GABRA3: variants seen among roughly 807,000 people sequenced by gnomAD.
GABRA3 encodes gamma-aminobutyric acid receptor subunit alpha-3.
Under a neutral mutation model 30.1 loss-of-function variants are expected in GABRA3, and 10 were observed. The ratio of observed to expected loss-of-function variants is 0.33; its 90% confidence interval spans 0.20 to 0.56. The LOEUF (loss-of-function observed/expected upper bound fraction) is 0.56. Among genes scored for constraint, GABRA3 ranks in the 20% least tolerant of loss-of-function variants. GABRA3 has a pLI of 0.89. For synonymous variants in GABRA3, 151 were observed against 146.8 expected (o/e 1.03, Z -0.21); for missense variants, 233 against 392.0 (o/e 0.59, Z 3.42).
At chrX:152,284,549 T>C in intron 4 of GABRA3, 119 bp downstream of exon 4, 1 of 455,128 alleles carries the variant, frequency 2.2e-6, no homozygotes, top group Middle Eastern at 4.5e-4. Flanking sequence ...GGTAGGAAAT[T>C]CATATGAGAA....
intron 5 of GABRA3, among the ~76,000 whole-genome samples, chrX:152,233,181 T>G (rs1344863049): frequency 4.5e-5 from 5 of 110,155 alleles, no homozygotes; most frequent in African/African-American, 1.7e-4. Flanking sequence ...TACATTTGTT[T>G]GAGTTCATTG....
At chrX:152,272,964 T>G (rs568781454) in intron 4 of GABRA3, among the ~76,000 whole-genome samples, 1 of 111,711 alleles carries the variant, frequency 9.0e-6, no homozygotes, top group East Asian at 2.8e-4. Flanking sequence ...CAATTAAAAC[T>G]TTTTGCTTTA....
intron 1 of GABRA3, among the ~76,000 whole-genome samples, chrX:152,418,370 A>G (rs1006697040): frequency 9.8e-5 from 11 of 112,131 alleles, no homozygotes; most frequent in Non-Finnish European, 1.7e-4. Flanking sequence ...AAAAATTAAT[A>G]ACAAATAGAA....
At chrX:152,294,997 C>G (rs1355373998) in intron 3 of GABRA3, among the ~76,000 whole-genome samples, 1 of 111,454 alleles carries the variant, frequency 9.0e-6, no homozygotes, top group Non-Finnish European at 1.9e-5. Flanking sequence ...CTGGGTATCA[C>G]CAGTGGAGGC....
chrX:152,413,940 G>A (rs1930139464), intron 1 of GABRA3, among the ~76,000 whole-genome samples: 2 of 110,280 alleles, frequency 1.8e-5, no homozygotes, highest in African/African-American at 6.6e-5. Flanking sequence ...CAAAGTCACA[G>A]GACACAAGAT....
At chrX:152,397,620 T>C (rs775030711) in intron 1 of GABRA3, among the ~76,000 whole-genome samples, 38 of 111,975 alleles carry the variant, frequency 3.4e-4, no homozygotes, top group Admixed American at 2.0e-3. Context: ...TCAGCAATAT[T>C]GAGAAAAAAT....
At chrX:152,375,712 A>G (rs746173010) in intron 1 of GABRA3, among the ~76,000 whole-genome samples, 2 of 112,529 alleles carry the variant, frequency 1.8e-5, no homozygotes, top group Admixed American at 1.9e-4. Context: ...CAGCTGAAGA[A>G]AATTCCACAA....
intron 2 of GABRA3, among the ~76,000 whole-genome samples, chrX:152,352,112 C>T (rs768690764): frequency 9.0e-6 from 1 of 110,744 alleles, no homozygotes; most frequent in Non-Finnish European, 1.9e-5. Flanking sequence ...GACCAAAATG[C>T]GGCACAGAGA....
chrX:152,322,047 C>G (rs1273855383), intron 3 of GABRA3, among the ~76,000 whole-genome samples: 2 of 111,971 alleles, frequency 1.8e-5, no homozygotes, highest in East Asian at 5.6e-4. Flanking sequence ...ATGTTTACAG[C>G]AATACAATTT....
At chrX:152,415,877 A>G (rs1193752487) in intron 1 of GABRA3, among the ~76,000 whole-genome samples, 1 of 111,519 alleles carries the variant, frequency 9.0e-6, no homozygotes, top group Non-Finnish European at 1.9e-5. Flanking sequence ...AACAGCAATT[A>G]CCAATAATAA....
At chrX:152,413,015 C>T (rs1025723675) in intron 1 of GABRA3, among the ~76,000 whole-genome samples, 8 of 110,651 alleles carry the variant, frequency 7.2e-5, no homozygotes, top group African/African-American at 2.3e-4. Flanking sequence ...AGAAGTGCAA[C>T]GAACTTCAAG....
At chrX:152,270,999 TC>T in intron 4 of GABRA3, among the ~76,000 whole-genome samples, 1 of 107,212 alleles carries the variant, frequency 9.3e-6, no homozygotes, top group Non-Finnish European at 1.9e-5. Context: ...CTCGCTTTTG[TC>T]CCCCAGGCTG....
chrX:152,237,997 C>G (rs948208987), intron 5 of GABRA3, among the ~76,000 whole-genome samples: 1 of 109,642 alleles, frequency 9.1e-6, no homozygotes, highest in African/African-American at 3.3e-5. Context: ...CTTCTCCTGC[C>G]TGATTGCCCT....
intron 9 of GABRA3, among the ~76,000 whole-genome samples, chrX:152,182,534 CAT>C (rs1399330963): frequency 5.9e-5 from 4 of 68,326 alleles, no homozygotes; most frequent in Admixed American, 3.8e-4. Flanking sequence ...ACTATATATG[CAT>C]ATATAGTGTA....
chrX:152,399,725 A>G (rs980057698), intron 1 of GABRA3, among the ~76,000 whole-genome samples: 1 of 112,150 alleles, frequency 8.9e-6, no homozygotes, highest in African/African-American at 3.2e-5. Context: ...GATTGGATTT[A>G]AAAAGACTAA....
At chrX:152,241,986 C>A (rs887098518) in intron 5 of GABRA3, among the ~76,000 whole-genome samples, 5 of 111,841 alleles carry the variant, frequency 4.5e-5, no homozygotes, top group Non-Finnish European at 9.4e-5. Flanking sequence ...ACGCTGGGAG[C>A]TGTAGACCGG....
intron 4 of GABRA3, among the ~76,000 whole-genome samples, chrX:152,276,161 A>T (rs1370087066): frequency 1.8e-5 from 2 of 111,626 alleles, no homozygotes; most frequent in Non-Finnish European, 3.8e-5. Flanking sequence ...AAAAGTGGCA[A>T]TATGAAGAAA....
intron 1 of GABRA3, among the ~76,000 whole-genome samples, chrX:152,440,533 G>A (rs1456168532): frequency 1.8e-5 from 2 of 112,171 alleles, no homozygotes; most frequent in Non-Finnish European, 3.8e-5. Context: ...ATATCCAAAG[G>A]ATTTTAAATC....
chrX:152,208,261 G>T, intron 6 of GABRA3, 117 bp from the exon 7 acceptor site: 1 of 764,869 alleles, frequency 1.3e-6, no homozygotes. Flanking sequence ...TTCTGGGTAT[G>T]TGGTCTGTCT....
Sources: gnomAD v4.1 joint callset for allele counts (sites outside exome capture counted in the v4.1 genomes callset) on GRCh38, gnomAD v4.1.1 for gene constraint, MANE v1.5 for transcripts, NCBI Gene and HGNC (gene_info 2026-07-23, HGNC 2026-07-21) for gene names.